Variants in LRRIQ3 observed in about 807,000 individuals in gnomAD.
LRRIQ3 encodes the protein leucine-rich repeat and IQ domain-containing protein 3.
A neutral mutation model predicts 59.3 loss-of-function variants in LRRIQ3; 75 were observed. That is an observed-to-expected ratio of 1.26 (90% CI 1.05 to 1.53). The LOEUF is 1.53. LRRIQ3 is among the 40% of genes most tolerant of loss of function. LRRIQ3 has a pLI of 0.00. For missense variants in LRRIQ3, 831 were observed against 710.0 expected (o/e 1.17, Z -1.94); for synonymous variants, 250 against 231.3 (o/e 1.08, Z -0.73).
intron 5 of LRRIQ3, among the ~76,000 whole-genome samples, chr1:74,087,597 T>C (rs931012287): frequency 6.6e-5 from 10 of 151,930 alleles, no homozygotes; most frequent in Non-Finnish European, 1.3e-4. Flanking sequence ...GAGCATAGAA[T>C]GTGAAATTTT....
intron 5 of LRRIQ3, among the ~76,000 whole-genome samples, chr1:74,080,270 T>G (rs925290601): frequency 6.6e-6 from 1 of 151,546 alleles, no homozygotes; most frequent in Non-Finnish European, 1.5e-5. Flanking sequence ...GGGGGAGACA[T>G]AGTATATTAA....
intron 6 of LRRIQ3, among the ~76,000 whole-genome samples, chr1:74,065,239 C>A (rs1048976246): frequency 4.6e-5 from 7 of 152,080 alleles, no homozygotes; most frequent in African/African-American, 1.7e-4. Flanking sequence ...CTTATGCTTG[C>A]ATATCTTCAG....
intron 6 of LRRIQ3, among the ~76,000 whole-genome samples, chr1:74,071,402 A>G (rs1178782517): frequency 6.6e-6 from 1 of 152,178 alleles, no homozygotes; most frequent in African/African-American, 2.4e-5. Flanking sequence ...TAAACTACAC[A>G]ACCCTCTGGA....
chr1:74,165,724 G>GT (rs1428791599), intron 3 of LRRIQ3, among the ~76,000 whole-genome samples: 2 of 151,520 alleles, frequency 1.3e-5, no homozygotes, highest in Non-Finnish European at 3.0e-5. Context: ...TTTTCTTGAT[G>GT]TTTTTCCTCA....
chr1:74,037,181 A>C (rs1653897017), intron 7 of LRRIQ3, among the ~76,000 whole-genome samples: 1 of 152,316 alleles, frequency 6.6e-6, no homozygotes, highest in South Asian at 2.1e-4. Context: ...TGGGCATTGA[A>C]ATAGAAAGAT....
At chr1:74,149,673 C>T (rs1244666963) in intron 4 of LRRIQ3, among the ~76,000 whole-genome samples, 2 of 152,082 alleles carry the variant, frequency 1.3e-5, no homozygotes, top group Admixed American at 6.6e-5. Flanking sequence ...ATTTCTGATA[C>T]TACTTTTCTT....
chr1:74,029,548 C>T (rs1653631415), intron 7 of LRRIQ3, among the ~76,000 whole-genome samples: 1 of 151,926 alleles, frequency 6.6e-6, no homozygotes, highest in Non-Finnish European at 1.5e-5. Context: ...GGGATGAAGC[C>T]CACTTGATCA....
intron 3 of LRRIQ3, among the ~76,000 whole-genome samples, chr1:74,166,075 A>G (rs1185536985): frequency 6.6e-6 from 1 of 151,684 alleles, no homozygotes; most frequent in Non-Finnish European, 1.5e-5. Flanking sequence ...GCTTCATAAT[A>G]TAAATTAGGA....
At chr1:74,098,309 G>A (rs1277306747) in intron 5 of LRRIQ3, among the ~76,000 whole-genome samples, 5 of 152,190 alleles carry the variant, frequency 3.3e-5, no homozygotes, top group Middle Eastern at 3.4e-3. Flanking sequence ...GACAAAGAAG[G>A]CCATTACAAA....
intron 6 of LRRIQ3, 21 bp downstream of exon 6, chr1:74,074,640 T>A: frequency 9.0e-7 from 1 of 1,107,362 alleles, no homozygotes; most frequent in Non-Finnish European, 1.2e-6. Flanking sequence ...TTAAATATAA[T>A]TAAAAATTCA....
chr1:74,154,800 G>T (rs922021854), intron 4 of LRRIQ3, among the ~76,000 whole-genome samples: 1 of 152,144 alleles, frequency 6.6e-6, no homozygotes, highest in Non-Finnish European at 1.5e-5. Flanking sequence ...AATTTGACTT[G>T]TCTCCAATGT....
At chr1:74,131,294 G>A (rs577169132) in intron 4 of LRRIQ3, among the ~76,000 whole-genome samples, 44 of 152,190 alleles carry the variant, frequency 2.9e-4, no homozygotes, top group African/African-American at 1.0e-3. Context: ...TCTACTAGAC[G>A]TACAAGGAGG....
intron 4 of LRRIQ3, among the ~76,000 whole-genome samples, chr1:74,119,231 ATT>A (rs35295208): frequency 2.6e-5 from 4 of 151,860 alleles, no homozygotes; most frequent in African/African-American, 9.7e-5. Context: ...CCCACTTTAA[ATT>A]TTTTTTCAAA....
rs142724914 is a variant in LRRIQ3, at chr1:74,080,025, G to T, written c.868-5235C>A. Among the ~76,000 whole-genome samples the T allele has an allele frequency of 3.6e-3, 549 of 151,660 alleles. 1 individual carries two copies. Among genetic ancestry groups the T allele is most frequent in the Admixed American group, 9.2e-3 (139 of 15,160 alleles). ...ACGATTCTCTGAATTTAGATTCTCT[G>T]AATTTTTTGGTGTTTCTATCAACTT... On this transcript the variant is annotated intron_variant, in intron 5 of 7. Transcript: ENST00000354431.
intron 3 of LRRIQ3, among the ~76,000 whole-genome samples, chr1:74,162,286 T>A (rs1195943165): frequency 6.6e-6 from 1 of 151,832 alleles, no homozygotes; most frequent in Non-Finnish European, 1.5e-5. Context: ...CAAACTAATA[T>A]AATGTAAAAT....
chr1:74,180,721 T>C, intron 3 of LRRIQ3: 2 of 1,550,028 alleles, frequency 1.3e-6, no homozygotes, highest in Non-Finnish European at 8.7e-7. Flanking sequence ...CATGACTCAT[T>C]TGCTGTCCAA....
chr1:74,132,927 A>G (rs1274654072), intron 4 of LRRIQ3, among the ~76,000 whole-genome samples: 2 of 152,176 alleles, frequency 1.3e-5, no homozygotes, highest in Admixed American at 1.3e-4. Flanking sequence ...ATGAACAGGC[A>G]ACCTACAGAA....
chr1:74,192,803 C>T (rs1311235389), intron 1 of LRRIQ3, among the ~76,000 whole-genome samples: 1 of 152,048 alleles, frequency 6.6e-6, no homozygotes, highest in African/African-American at 2.4e-5. Context: ...ACGTATGTGT[C>T]AGTTATTTAT....
intron 6 of LRRIQ3, among the ~76,000 whole-genome samples, chr1:74,051,415 A>G (rs990338759): frequency 2.6e-5 from 4 of 152,172 alleles, no homozygotes; most frequent in Admixed American, 2.6e-4. Context: ...AGCCATACCT[A>G]TTGTTGACAT....
Sources: allele counts gnomAD v4.1 joint callset (sites outside exome capture counted in the v4.1 genomes callset), GRCh38; gene constraint gnomAD v4.1.1; transcripts MANE v1.5; gene names NCBI Gene and HGNC (gene_info 2026-07-23, HGNC 2026-07-21).